The following LRRTM4 variants were observed in gnomAD, a reference collection of about 807,000 sequenced individuals.
LRRTM4 encodes the protein leucine rich repeat transmembrane neuronal 4, also known as leucine-rich repeat transmembrane neuronal protein 4.
A neutral mutation model predicts 47.6 loss-of-function variants in LRRTM4; 25 were observed. The ratio of observed to expected loss-of-function variants is 0.53; its 90% CI spans 0.38 to 0.73. The LOEUF is 0.73. LRRTM4 is among the 30% of genes least tolerant of loss of function. The pLI is 0.00. For missense variants in LRRTM4, 638 were observed against 713.4 expected (o/e 0.89, Z 1.20); for synonymous variants, 311 against 269.5 (o/e 1.15, Z -1.51).
chr2:77,350,031 T>A (rs1671700435), intron 3 of LRRTM4, among the ~76,000 whole-genome samples: 1 of 151,966 alleles, frequency 6.6e-6, no homozygotes, highest in African/African-American at 2.4e-5. Context: ...ACGAAGAAAT[T>A]GGAAATGCTG....
chr2:77,125,960 T>G (rs1671643449), intron 3 of LRRTM4, among the ~76,000 whole-genome samples: 1 of 150,946 alleles, frequency 6.6e-6, no homozygotes. Flanking sequence ...GCAGTATGTG[T>G]GTATATATAG....
intron 3 of LRRTM4, among the ~76,000 whole-genome samples, chr2:77,471,512 C>A (rs987180884): frequency 6.6e-6 from 1 of 152,208 alleles, no homozygotes; most frequent in Admixed American, 6.5e-5. Context: ...GACTGGTTGG[C>A]CATTACCTTC....
chr2:76,775,453 G>A (rs1455364062), intron 3 of LRRTM4, among the ~76,000 whole-genome samples: 5 of 152,080 alleles, frequency 3.3e-5, no homozygotes, highest in Non-Finnish European at 1.5e-5. Flanking sequence ...CAGGGGCATT[G>A]TTCAATATCA....
Position 76,995,107 on chromosome 2 carries a change from T to C in LRRTM4, c.1552-246191A>G, listed in dbSNP as rs148520187. Among the ~76,000 whole-genome samples the C allele has an allele frequency of 3.9e-3, 596 of 152,120 alleles. 1 individual carries two copies. The highest frequency in any genetic ancestry group is 0.014 in the African/African-American group (570 of 41,544). On this transcript the variant is annotated intron_variant, in intron 3 of 3. Transcript: ENST00000409884. ...GAAACTGAACTTTTAAATTTTGAAGTGTGCTCTGTAGAACTAAAGTTTAGA... is the reference window on the plus strand; with the variant it reads ...GAAACTGAACTTTTAAATTTTGAAGCGTGCTCTGTAGAACTAAAGTTTAGA...
intron 3 of LRRTM4, among the ~76,000 whole-genome samples, chr2:77,285,176 G>A (rs1261203968): frequency 6.6e-6 from 1 of 151,374 alleles, no homozygotes; most frequent in Non-Finnish European, 1.5e-5. Context: ...TCTTGCAATA[G>A]AAAGCAACCC....
chr2:77,359,784 T>C (rs1573307684), intron 3 of LRRTM4, among the ~76,000 whole-genome samples: 1 of 152,306 alleles, frequency 6.6e-6, no homozygotes, highest in Admixed American at 6.5e-5. Flanking sequence ...TCTCAGATAA[T>C]GTTTTTGTGA....
chr2:77,195,996 GAAACTA>G (rs1482757190), intron 3 of LRRTM4, among the ~76,000 whole-genome samples: 4 of 152,078 alleles, frequency 2.6e-5, no homozygotes, highest in Admixed American at 2.0e-4. Context: ...CTGACAAGAA[GAAACTA>G]ATCCTTCTCA....
intron 3 of LRRTM4, among the ~76,000 whole-genome samples, chr2:76,821,993 A>G (rs1219659234): frequency 6.6e-6 from 1 of 151,658 alleles, no homozygotes; most frequent in Non-Finnish European, 1.5e-5. Context: ...TTTGTTTTGG[A>G]AAATAGTGGA....
At chr2:76,802,582 G>C (rs1226864452) in intron 3 of LRRTM4, among the ~76,000 whole-genome samples, 2 of 151,966 alleles carry the variant, frequency 1.3e-5, no homozygotes, top group African/African-American at 2.4e-5. Flanking sequence ...CATTCCAATG[G>C]CATTTTTCAC....
At chr2:77,030,697 A>G (rs1165537103) in intron 3 of LRRTM4, among the ~76,000 whole-genome samples, 1 of 152,192 alleles carries the variant, frequency 6.6e-6, no homozygotes, top group East Asian at 1.9e-4. Context: ...ATGAACTTAG[A>G]TGAGTCAAAT....
rs577026261 is a variant in LRRTM4 at position 76,820,477 on chromosome 2, A to G, written c.1552-71561T>C. ...GAAGTAGGAGTGAAGGCAAAACAAG[A>G]ATCTAAGATAAATCACTGTTTTCCT... On this transcript the variant is annotated intron_variant, in intron 3 of 3. Transcript: ENST00000409884. 5.3e-5 allele frequency among the ~76,000 whole-genome samples: 8 copies of G among 151,620 alleles called. No individual in the cohort carries two copies. In the East Asian group the frequency reaches 1.6e-3, roughly 29 times the overall value.
chr2:76,941,074 T>A (rs1284428710), intron 3 of LRRTM4, among the ~76,000 whole-genome samples: 1 of 151,882 alleles, frequency 6.6e-6, no homozygotes, highest in Non-Finnish European at 1.5e-5. Flanking sequence ...CAACAGAATA[T>A]GAGAAGGCAA....
intron 3 of LRRTM4, among the ~76,000 whole-genome samples, chr2:77,215,161 C>G (rs778364721): frequency 6.6e-6 from 1 of 151,906 alleles, no homozygotes; most frequent in African/African-American, 2.4e-5. Flanking sequence ...AATATGAGAA[C>G]CTTTACATTT....
At chr2:76,792,308 T>G (rs1231672818) in intron 3 of LRRTM4, among the ~76,000 whole-genome samples, 10 of 152,054 alleles carry the variant, frequency 6.6e-5, no homozygotes, top group Non-Finnish European at 2.9e-5. Flanking sequence ...AGGCTGCCAC[T>G]TTACACATTA....
intron 3 of LRRTM4, among the ~76,000 whole-genome samples, chr2:77,504,447 G>A (rs957084503): frequency 6.6e-6 from 1 of 151,566 alleles, no homozygotes; most frequent in East Asian, 1.9e-4. Context: ...ATTACTTAAT[G>A]TCAGAGAGTA....
At chr2:77,168,468 T>C (rs1331256301) in intron 3 of LRRTM4, among the ~76,000 whole-genome samples, 1 of 152,086 alleles carries the variant, frequency 6.6e-6, no homozygotes, top group Admixed American at 6.6e-5. Flanking sequence ...GTAGGTGATA[T>C]TTTGATATAT....
intron 3 of LRRTM4, among the ~76,000 whole-genome samples, chr2:76,863,390 C>A (rs567440811): frequency 4.6e-5 from 7 of 152,150 alleles, no homozygotes; most frequent in African/African-American, 1.7e-4. Flanking sequence ...AGTAATACAG[C>A]CTTTTAGTGC....
At chr2:77,120,941 T>A (rs1025958372) in intron 3 of LRRTM4, among the ~76,000 whole-genome samples, 1 of 151,728 alleles carries the variant, frequency 6.6e-6, no homozygotes, top group African/African-American at 2.4e-5. Context: ...TGCAGAACCC[T>A]GAGTGTTTGG....
At chr2:77,058,213 CA>C (rs1679670448) in intron 3 of LRRTM4, among the ~76,000 whole-genome samples, 1 of 152,130 alleles carries the variant, frequency 6.6e-6, no homozygotes, top group South Asian at 2.1e-4. Context: ...TCATAGGTCA[CA>C]AATCAGAGGT....
Sources: gnomAD v4.1 joint callset for allele counts (sites outside exome capture counted in the v4.1 genomes callset) on GRCh38, gnomAD v4.1.1 for gene constraint, MANE v1.5 for transcripts, NCBI Gene and HGNC (gene_info 2026-07-23, HGNC 2026-07-21) for gene names.